RUSC2: variants seen among roughly 807,000 people sequenced by gnomAD.
RUSC2 encodes the protein RUN and SH3 domain containing 2, also known as AP-4 complex accessory subunit RUSC2.
RUSC2 carries 34 observed loss-of-function variants against 122.2 expected under a neutral mutation model. The observed-to-expected ratio is 0.28, with a 90% CI of 0.21 to 0.37. The LOEUF (loss-of-function observed/expected upper bound fraction) is 0.37. RUSC2 is among the 10% of genes least tolerant of loss of function. RUSC2 has a pLI of 1.00. For synonymous variants in RUSC2, 784 were observed against 790.0 expected, an observed-to-expected ratio of 0.99 and a Z score of 0.13; for missense variants, 1,747 against 1,952.4, an observed-to-expected ratio of 0.89 and a Z score of 1.98.
chr9:35,537,090 G>T (rs1169612500), intron 1 of RUSC2, among the ~76,000 whole-genome samples: 2 of 152,194 alleles, frequency 1.3e-5, no homozygotes, highest in African/African-American at 4.8e-5. Flanking sequence ...CAAAACCCTA[G>T]ATCTTTGGCA....
chr9:35,508,176 C>T lies in RUSC2; in HGVS notation c.-93+18004C>T, dbSNP rs574532632. On this transcript the variant is annotated intron_variant, in intron 1 of 11. Coordinates refer to ENST00000361226, the MANE Select transcript of RUSC2 (RefSeq NM_014806.5). Reference sequence around the variant, plus strand: ...TTACTTCCTACCACCAATCTGCAAACGTGTCTACAGCCATCCTCTCCTCTC... The same window carrying T: ...TTACTTCCTACCACCAATCTGCAAATGTGTCTACAGCCATCCTCTCCTCTC... Among the ~76,000 whole-genome samples, 14 of 152,276 alleles carry T rather than the reference C, an allele frequency of 9.2e-5. No homozygotes were observed. The South Asian group carries it at 1.2e-3, about 14-fold the overall frequency.
At position 35,548,337 on chromosome 9, in the gene RUSC2, A is replaced by G. The variant is rs1821815223; in HGVS notation, c.1816A>G (p.Met606Val). 11 of 1,613,914 alleles carry G rather than the reference A, an allele frequency of 6.8e-6. No individual in the cohort carries two copies. Among genetic ancestry groups the G allele is most frequent in the Non-Finnish European group, 8.5e-6 (10 of 1,180,032 alleles). Reference protein sequence around the residue: ...SLPPMPLGPGMDLLGPDPSPP... With the variant: ...SLPPMPLGPGVDLLGPDPSPP... ...GCCACCCATGCCTTTGGGGCCAGGC[A>G]TGGACCTACTTGGCCCAGACCCAAG... is the stretch of plus-strand genomic sequence containing the variant. The change falls in exon 2 of 12, where the codon ATG becomes GTG. Residue 606 changes from methionine to valine, a missense_variant. Physicochemically the swap from Met to Val is conservative, Grantham distance 21 (BLOSUM62 1). Transcript: ENST00000361226. This position sits in a 1 kb window ranked among gnomAD's most constrained non-coding sequence, Gnocchi z 4.5.
chr9:35,515,693 A>C (rs1015233271), intron 1 of RUSC2, among the ~76,000 whole-genome samples: 34 of 152,088 alleles, frequency 2.2e-4, no homozygotes, highest in African/African-American at 8.0e-4. Context: ...CACGGTTATC[A>C]TGAGGATTAG....
At chr9:35,514,033 G>C (rs570037281) in intron 1 of RUSC2, among the ~76,000 whole-genome samples, 2 of 150,300 alleles carry the variant, frequency 1.3e-5, no homozygotes, top group East Asian at 3.9e-4. Context: ...GCTACATACT[G>C]CTTGGCTGCT....
At chr9:35,501,973 C>T (rs1820824837) in intron 1 of RUSC2, among the ~76,000 whole-genome samples, 1 of 151,956 alleles carries the variant, frequency 6.6e-6, no homozygotes, top group Non-Finnish European at 1.5e-5. Flanking sequence ...AATGTTTATA[C>T]TTCTAAAAAA....
chr9:35,523,780 A>AT (rs1443647019), intron 1 of RUSC2, among the ~76,000 whole-genome samples: 5 of 152,008 alleles, frequency 3.3e-5, no homozygotes, highest in Admixed American at 1.3e-4. Context: ...GGGCCACTGC[A>AT]TTCCAGCCTG....
rs1249154009 is a variant in RUSC2, at chr9:35,561,319, G to A, written c.4488G>A (p.Val1496=). The change falls in exon 12 of 12, where the codon GTG becomes GTA. Residue 1496 remains valine (V), a synonymous_variant. Transcript: ENST00000361226. ...GCCGTGGCCCCGACTCTGGCCTGGT[G>A]CCCCTGGCCTACGTGACATTGACCC... is the stretch of plus-strand genomic sequence containing the variant. ...RCSRGPDSGL[V]PLAYVTLTPT... The A allele has an allele frequency of 2.5e-6, 4 of 1,614,130 alleles. No homozygotes were observed. In the East Asian group the frequency reaches 6.7e-5, roughly 27 times the overall value.
At chr9:35,517,331 G>A (rs1821127537) in intron 1 of RUSC2, among the ~76,000 whole-genome samples, 1 of 152,252 alleles carries the variant, frequency 6.6e-6, no homozygotes, top group Non-Finnish European at 1.5e-5. Flanking sequence ...GGGCTAGAAA[G>A]ACTGAAGGCT....
chr9:35,542,831 G>A (rs1392137366), intron 1 of RUSC2, among the ~76,000 whole-genome samples: 2 of 152,166 alleles, frequency 1.3e-5, no homozygotes, highest in African/African-American at 4.8e-5. Context: ...TCAGCTTTCT[G>A]CATTCTGTAT....
chr9:35,550,149 G>C (rs185692279), intron 2 of RUSC2, among the ~76,000 whole-genome samples: 302 of 151,594 alleles, frequency 2.0e-3, no homozygotes, highest in African/African-American at 7.1e-3. Flanking sequence ...GATGGAGATT[G>C]CAGTGAGCCG....
chr9:35,536,137 A>C (rs1485207600), intron 1 of RUSC2, among the ~76,000 whole-genome samples: 1 of 152,186 alleles, frequency 6.6e-6, no homozygotes, highest in Non-Finnish European at 1.5e-5. Context: ...ATCAATATGC[A>C]ATGCAATGAG....
chr9:35,516,344 A>G (rs1430254468), intron 1 of RUSC2, among the ~76,000 whole-genome samples: 1 of 152,004 alleles, frequency 6.6e-6, no homozygotes, highest in African/African-American at 2.4e-5. Context: ...CCATCTGTCT[A>G]TTGATAGTTT....
chr9:35,533,959 C>T (rs1455801510), intron 1 of RUSC2, among the ~76,000 whole-genome samples: 1 of 152,146 alleles, frequency 6.6e-6, no homozygotes, highest in Non-Finnish European at 1.5e-5. Flanking sequence ...TTTTTTGTTT[C>T]TCGTAGGTAT....
chr9:35,512,007 C>T (rs951783315), intron 1 of RUSC2, among the ~76,000 whole-genome samples: 2 of 151,982 alleles, frequency 1.3e-5, no homozygotes, highest in African/African-American at 4.8e-5. Context: ...GGTGAAACCC[C>T]GTCTCTACTA....
chr9:35,500,723 T>C (rs1013515062), intron 1 of RUSC2, among the ~76,000 whole-genome samples: 3 of 152,210 alleles, frequency 2.0e-5, no homozygotes, highest in Admixed American at 2.0e-4. Context: ...GAAGGACATA[T>C]CTTATTTGGT....
chr9:35,561,768 C>T lies in RUSC2; in HGVS notation c.*386C>T, dbSNP rs539409417. Reference sequence around the variant, plus strand: ...GTATTGGGGCCAGATCCCTAAGCCCCCCAGCTGTAAATAGGCTGTGGCCAG... The same window carrying T: ...GTATTGGGGCCAGATCCCTAAGCCCTCCAGCTGTAAATAGGCTGTGGCCAG... On this transcript the variant is annotated 3_prime_UTR_variant, in exon 12 of 12. Transcript: ENST00000361226. 1.8e-5 allele frequency: 10 copies of T among 556,910 alleles called. No individual in the cohort carries two copies. The East Asian group carries it at 2.1e-4, about 12-fold the overall frequency. 34.5% of individuals were successfully genotyped at this position (556,910 alleles called of 1,614,324 possible).
intron 2 of RUSC2, among the ~76,000 whole-genome samples, chr9:35,554,051 A>G (rs564759215): frequency 6.6e-5 from 10 of 152,324 alleles, no homozygotes; most frequent in African/African-American, 2.2e-4. Context: ...GTCAAGTAAG[A>G]GAACTAATTC....
chr9:35,556,418 G>T lies in RUSC2; in HGVS notation c.2953G>T (p.Ala985Ser), dbSNP rs754737244. Residue 985 changes from alanine (A) to serine (S), a missense_variant, in exon 5 of 12, where the codon GCC (alanine) becomes TCC (serine). Ala to Ser is a moderately conservative substitution (Grantham distance 99). Transcript: ENST00000361226. ...TCTGTCCCCAGATGGCAGCTCAGAGGCCATTTCCATTGACCTGCTTCAGAA... is the reference window on the plus strand; with the variant it reads ...TCTGTCCCCAGATGGCAGCTCAGAGTCCATTTCCATTGACCTGCTTCAGAA... ...FCLSPDGSSE[A>S]ISIDLLQKKG... is the part of the protein sequence containing the mutation. The T allele has an allele frequency of 2.5e-6, 4 of 1,614,144 alleles. No individual in the cohort carries two copies. In the Admixed American group the frequency reaches 6.7e-5, roughly 27 times the overall value.
At chr9:35,552,303 G>C (rs903010000) in intron 2 of RUSC2, among the ~76,000 whole-genome samples, 2 of 152,198 alleles carry the variant, frequency 1.3e-5, no homozygotes, top group African/African-American at 4.8e-5. Flanking sequence ...GGAAGTTGCA[G>C]TAAGCTGAGA....
Sources: allele counts gnomAD v4.1 joint callset (sites outside exome capture counted in the v4.1 genomes callset), GRCh38; gene constraint gnomAD v4.1.1; non-coding constraint Gnocchi (gnomAD v3.1); transcripts MANE v1.5; gene names NCBI Gene and HGNC (gene_info 2026-07-23, HGNC 2026-07-21).